Variants in PLXNA2 observed in about 807,000 individuals in gnomAD.
PLXNA2 encodes the protein plexin-A2.
PLXNA2 carries 91 observed loss-of-function variants against 193.5 expected under a neutral mutation model. The observed-to-expected ratio is 0.47, with a 90% CI of 0.40 to 0.56. The LOEUF (loss-of-function observed/expected upper bound fraction) is 0.56, where lower values mean the gene tolerates loss of function less well. PLXNA2 is among the 20% of genes least tolerant of loss of function. The pLI is 0.00. For synonymous variants in PLXNA2, 997 were observed against 1,027.3 expected (o/e 0.97, Z 0.56); for missense variants, 1,995 against 2,503.2 (o/e 0.80, Z 4.33).
intron 3 of PLXNA2, among the ~76,000 whole-genome samples, chr1:208,190,517 T>C (rs1395015837): frequency 6.6e-6 from 1 of 152,230 alleles, no homozygotes; most frequent in Non-Finnish European, 1.5e-5. Context: ...GAAATGTTGG[T>C]TGCCTTGATC....
chr1:208,193,600 GTTA>G (rs879562871), intron 3 of PLXNA2, among the ~76,000 whole-genome samples: 18 of 152,204 alleles, frequency 1.2e-4, no homozygotes, highest in Non-Finnish European at 2.5e-4. Flanking sequence ...GTTTAAGAAT[GTTA>G]TTATTATCTT....
chr1:208,171,489 T>C (rs966423982), intron 3 of PLXNA2, among the ~76,000 whole-genome samples: 1 of 152,190 alleles, frequency 6.6e-6, no homozygotes, highest in African/African-American at 2.4e-5. Flanking sequence ...GAAACTTGCC[T>C]AAGTTACCTA....
intron 3 of PLXNA2, among the ~76,000 whole-genome samples, chr1:208,167,928 T>G (rs1008796895): frequency 6.6e-6 from 1 of 152,186 alleles, no homozygotes; most frequent in Non-Finnish European, 1.5e-5. Flanking sequence ...ATTACAGAAT[T>G]GCTCTCTGGC....
chr1:208,096,199 A>C, intron 7 of PLXNA2, 74 bp from the exon 8 acceptor site: 1 of 1,126,214 alleles, frequency 8.9e-7, no homozygotes, highest in Non-Finnish European at 1.3e-6. Flanking sequence ...CAAAAATAAA[A>C]TGTAAGTCAT....
At chr1:208,035,501 C>T (rs948705182) in intron 26 of PLXNA2, among the ~76,000 whole-genome samples, 1 of 152,110 alleles carries the variant, frequency 6.6e-6, no homozygotes, top group African/African-American at 2.4e-5. Context: ...CAGCTCAGCA[C>T]CCAGCCTGCA....
rs373005439 is a variant in PLXNA2 at position 208,044,734 on chromosome 1, C to G, written c.3648G>C (p.Val1216=). The change falls in exon 20 of 32, where the codon GTG becomes GTC. Residue 1216 remains valine, a synonymous_variant. Transcript: ENST00000367033. This position sits in a 1 kb window ranked among gnomAD's most constrained non-coding sequence, Gnocchi z 4.9. ...AGCCAGGCGAGAACACCATCCCGCCCACGTGAACCTGTGCATTGTACACAT... is the reference window on the plus strand; with the variant it reads ...AGCCAGGCGAGAACACCATCCCGCCGACGTGAACCTGTGCATTGTACACAT... ...LTGQHKVMVH[V]GGMVFSPGSV... The G allele has an allele frequency of 6.2e-6, 10 of 1,612,972 alleles. No homozygotes were observed. Among genetic ancestry groups the G allele is most frequent in the Non-Finnish European group, 8.5e-6 (10 of 1,179,444 alleles).
chr1:208,151,439 C>A (rs1668759100), intron 3 of PLXNA2, among the ~76,000 whole-genome samples: 1 of 152,082 alleles, frequency 6.6e-6, no homozygotes. Context: ...TGCAGGGCAG[C>A]CTTTCTCACC....
At chr1:208,086,954 TC>T (rs1666545586) in intron 9 of PLXNA2, among the ~76,000 whole-genome samples, 1 of 35,628 alleles carries the variant, frequency 2.8e-5, no homozygotes, top group African/African-American at 9.4e-5. Context: ...TCGCACTCTC[TC>T]TCTCTCTCTC....
intron 4 of PLXNA2, among the ~76,000 whole-genome samples, chr1:208,113,005 C>CAAAAAAAA (rs5780433): frequency 5.2e-5 from 6 of 114,628 alleles, no homozygotes; most frequent in African/African-American, 1.7e-4. Context: ...GAAGGACCTA[C>CAAAAAAAA]AAAAAAAAAA....
chr1:208,227,789 C>CT (rs1363407968), intron 1 of PLXNA2, among the ~76,000 whole-genome samples: 2 of 152,168 alleles, frequency 1.3e-5, no homozygotes, highest in Non-Finnish European at 2.9e-5. Flanking sequence ...GGAAATGTCT[C>CT]TCATCCAGTC....
At chr1:208,156,153 A>C (rs564229504) in intron 3 of PLXNA2, among the ~76,000 whole-genome samples, 127 of 152,292 alleles carry the variant, frequency 8.3e-4, no homozygotes, top group Non-Finnish European at 1.5e-3. Context: ...ATATAAACAG[A>C]TCAAAGGGAG....
chr1:208,159,158 C>A (rs1367863014), intron 3 of PLXNA2, among the ~76,000 whole-genome samples: 2 of 152,158 alleles, frequency 1.3e-5, no homozygotes, highest in Non-Finnish European at 2.9e-5. Context: ...AAACCCCTTC[C>A]CTAGAGGCTC....
At position 208,098,850 on chromosome 1, in the gene PLXNA2, C is replaced by G; in HGVS notation, c.1727G>C (p.Arg576Pro). 1 of 1,613,462 alleles carries G rather than the reference C, an allele frequency of 6.2e-7. No homozygotes were observed. The highest frequency in any genetic ancestry group is 8.5e-7 in the Non-Finnish European group (1 of 1,179,794). The change falls in exon 6 of 32, where the codon CGG (arginine) becomes CCG (proline). Residue 576 changes from arginine to proline, a missense_variant. Transcript: ENST00000367033. ...PSSISVSEHS[R>P]LLSLVVSDAP... Reference sequence around the variant, plus strand: ...GCCCCTGGATGAGTTACTTACCAACCGGCTGTGCTCAGATACTGAGATGCT... The same window carrying G: ...GCCCCTGGATGAGTTACTTACCAACGGGCTGTGCTCAGATACTGAGATGCT...
intron 8 of PLXNA2, among the ~76,000 whole-genome samples, chr1:208,094,795 T>G (rs1354559461): frequency 2.0e-5 from 3 of 152,208 alleles, no homozygotes; most frequent in Non-Finnish European, 4.4e-5. Flanking sequence ...GCTCCTTCCT[T>G]GACTAATGTA....
intron 4 of PLXNA2, among the ~76,000 whole-genome samples, chr1:208,118,032 G>A (rs1282617209): frequency 1.3e-5 from 2 of 152,318 alleles, no homozygotes; most frequent in East Asian, 3.9e-4. Context: ...ACATCTTGAA[G>A]AGACAGTAGG....
At chr1:208,041,013 T>A (rs1353556401) in intron 22 of PLXNA2, among the ~76,000 whole-genome samples, 1 of 152,238 alleles carries the variant, frequency 6.6e-6, no homozygotes, top group Non-Finnish European at 1.5e-5. Context: ...TTGCCAGGGC[T>A]GCTCAGCAAT....
At chr1:208,185,509 G>C (rs1669964301) in intron 3 of PLXNA2, among the ~76,000 whole-genome samples, 1 of 151,886 alleles carries the variant, frequency 6.6e-6, no homozygotes, top group Admixed American at 6.6e-5. Flanking sequence ...AAAATCAGCA[G>C]AGTCATCAGT....
intron 13 of PLXNA2, 141 bp downstream of exon 13, chr1:208,060,545 G>A: frequency 5.3e-6 from 4 of 760,252 alleles, no homozygotes; most frequent in Non-Finnish European, 6.2e-6. Context: ...GGGGGCCCTG[G>A]GGAGGCTTCT....
rs543176185 is a variant in PLXNA2, at chr1:208,044,821, C to T, written c.3640-79G>A. 53 of 1,187,960 alleles carry T rather than the reference C, an allele frequency of 4.5e-5. No individual in the cohort carries two copies. Among genetic ancestry groups the T allele is most frequent in the African/African-American group, 3.8e-4 (25 of 66,526 alleles). The allele number at this position is 1,187,960 out of a possible 1,614,324, so 73.6% of individuals were successfully genotyped here. A position where few individuals can be genotyped will look rare whatever the true frequency, so the allele number is the denominator to read the frequency against. ...GGCATGCCAGCAGATCCTTACAGTG[C>T]GAGGAAGGACATGACAGACCACAAC... On this transcript the variant is annotated intron_variant, in intron 19 of 31. Transcript: ENST00000367033. This position sits in a 1 kb window ranked among gnomAD's most constrained non-coding sequence, Gnocchi z 4.9.
Sources: allele counts gnomAD v4.1 joint callset (sites outside exome capture counted in the v4.1 genomes callset), GRCh38; gene constraint gnomAD v4.1.1; non-coding constraint Gnocchi (gnomAD v3.1); transcripts MANE v1.5; gene names NCBI Gene and HGNC (gene_info 2026-07-23, HGNC 2026-07-21).